KCNJ6: variants seen among roughly 807,000 people sequenced by gnomAD.
KCNJ6 encodes the protein G protein-activated inward rectifier potassium channel 2.
Under a neutral mutation model 34.2 loss-of-function variants are expected in KCNJ6, and 9 were observed. That is an observed-to-expected ratio of 0.26 (90% CI 0.16 to 0.46). KCNJ6 has a LOEUF of 0.46. KCNJ6 is among the 20% of genes least tolerant of loss of function. The pLI is 1.00. For missense variants in KCNJ6, 236 were observed against 531.3 expected, an observed-to-expected ratio of 0.44 and a Z score of 5.46; for synonymous variants, 196 against 207.1, an observed-to-expected ratio of 0.95 and a Z score of 0.46.
chr21:37,746,651 A>G (rs1329797417), intron 2 of KCNJ6, among the ~76,000 whole-genome samples: 1 of 152,224 alleles, frequency 6.6e-6, no homozygotes, highest in Non-Finnish European at 1.5e-5. Flanking sequence ...CTGATTAAAC[A>G]GTGGAAAAGA....
chr21:37,643,570 C>T (rs1274721008), intron 3 of KCNJ6, among the ~76,000 whole-genome samples: 1 of 152,160 alleles, frequency 6.6e-6, no homozygotes, highest in East Asian at 1.9e-4. Flanking sequence ...GGGAGTCGGA[C>T]CAATGTGTGT....
chr21:37,661,629 T>C (rs1483183657), intron 3 of KCNJ6, among the ~76,000 whole-genome samples: 1 of 131,636 alleles, frequency 7.6e-6, no homozygotes, highest in Non-Finnish European at 1.6e-5. Context: ...TTTTTTTTTT[T>C]TTTTTTTTTT....
At chr21:37,810,421 T>A (rs1486049436) in intron 2 of KCNJ6, among the ~76,000 whole-genome samples, 1 of 152,194 alleles carries the variant, frequency 6.6e-6, no homozygotes, top group East Asian at 1.9e-4. Context: ...AAGGGGATTG[T>A]AAGGGCAAGA....
At chr21:37,876,767 G>A (rs1340308870) in intron 1 of KCNJ6, among the ~76,000 whole-genome samples, 1 of 152,094 alleles carries the variant, frequency 6.6e-6, no homozygotes, top group East Asian at 1.9e-4. Flanking sequence ...GCAACAATTG[G>A]ACAAGTTGGC....
rs371432862 is a variant in KCNJ6 at position 37,914,008 on chromosome 21, G to GGTGTGTGTGTGTGTGTGTGT, written c.-28+1856_-28+1875dup. On this transcript the variant is annotated intron_variant, in intron 1 of 3. Coordinates refer to ENST00000609713, the MANE Select transcript of KCNJ6 (RefSeq NM_002240.5). ...GCAACCCTCGTCAGAGGCGGATCGGGGTGTGTGTGTGTGTGTGTGTGTGTG... is the reference window on the plus strand; with the variant it reads ...GCAACCCTCGTCAGAGGCGGATCGGGGTGTGTGTGTGTGTGTGTGTGTGTGTGTGTGTGTGTGTGTGTGTG... Among the ~76,000 whole-genome samples, 181 of 135,584 alleles carry GGTGTGTGTGTGTGTGTGTGT rather than the reference G, an allele frequency of 1.3e-3. 3 individuals carry two copies. The highest frequency in any genetic ancestry group is 3.2e-3 in the East Asian group (13 of 4,116). 88.9% of individuals were successfully genotyped at this position (135,584 alleles called of 152,430 possible).
chr21:37,909,399 C>T (rs2123652729), intron 1 of KCNJ6, among the ~76,000 whole-genome samples: 1 of 151,596 alleles, frequency 6.6e-6, no homozygotes, highest in Non-Finnish European at 1.5e-5. Context: ...ACAGAGTCTC[C>T]CTCTCACCCA....
rs1156939747 is a variant in KCNJ6 at position 37,615,244 on chromosome 21, CTTTTTTTTT to C, written c.*9906_*9914del. ...ACCCTCGACTGACATTCCCAGCATTCTTTTTTTTTTTTTTTTTTTTTTTTTTGAGACGGA... is the reference window on the plus strand; with the variant it reads ...ACCCTCGACTGACATTCCCAGCATTCTTTTTTTTTTTTTTTTTGAGACGGA... On this transcript the variant is annotated 3_prime_UTR_variant, in exon 4 of 4. Coordinates refer to ENST00000609713, the MANE Select transcript of KCNJ6 (RefSeq NM_002240.5). 46,315 of 98,438 alleles carry C rather than the reference CTTTTTTTTT, an allele frequency of 0.47. 7,522 individuals are homozygous for C. Among genetic ancestry groups the C allele is most frequent in the Admixed American group, 0.56 (5,534 of 9,960 alleles). The allele number at this position is 98,438 out of a possible 1,614,324, so 6.1% of individuals were successfully genotyped here. A position where few individuals can be genotyped will look rare whatever the true frequency, so the allele number is the denominator to read the frequency against.
chr21:37,700,417 C>G (rs2054684885), intron 3 of KCNJ6, among the ~76,000 whole-genome samples: 1 of 152,210 alleles, frequency 6.6e-6, no homozygotes, highest in African/African-American at 2.4e-5. Flanking sequence ...GACAGGACAC[C>G]TGGAGAGGTG....
intron 3 of KCNJ6, among the ~76,000 whole-genome samples, chr21:37,705,364 A>G (rs141975160): frequency 6.6e-6 from 1 of 152,282 alleles, no homozygotes; most frequent in Non-Finnish European, 1.5e-5. Flanking sequence ...GCAAGAGCCA[A>G]CTTCCTCATT....
intron 2 of KCNJ6, among the ~76,000 whole-genome samples, chr21:37,838,174 CTCTTA>C (rs1407069239): frequency 6.6e-6 from 1 of 152,174 alleles, no homozygotes; most frequent in African/African-American, 2.4e-5. Context: ...TGATAGAATT[CTCTTA>C]TGACAGTTGA....
chr21:37,707,484 G>A (rs769438910), intron 3 of KCNJ6, among the ~76,000 whole-genome samples: 2 of 152,140 alleles, frequency 1.3e-5, no homozygotes, highest in Admixed American at 6.5e-5. Context: ...CAGAGGTTAC[G>A]TAAGGCAGGG....
intron 2 of KCNJ6, among the ~76,000 whole-genome samples, chr21:37,756,009 T>G (rs1032552727): frequency 1.3e-5 from 2 of 152,350 alleles, no homozygotes; most frequent in Non-Finnish European, 1.5e-5. Context: ...ATGGGTTAGC[T>G]TCCTCTAGAT....
chr21:37,686,446 C>T (rs2054615485), intron 3 of KCNJ6, among the ~76,000 whole-genome samples: 2 of 147,294 alleles, frequency 1.4e-5, no homozygotes, highest in African/African-American at 5.0e-5. Context: ...CGCATTCACT[C>T]TCCCGGGTGA....
intron 2 of KCNJ6, among the ~76,000 whole-genome samples, chr21:37,730,934 T>C (rs543480635): frequency 2.8e-4 from 43 of 152,314 alleles, no homozygotes; most frequent in Non-Finnish European, 5.7e-4. Context: ...AGGGGGAGTA[T>C]TGACCCGTCT....
intron 1 of KCNJ6, among the ~76,000 whole-genome samples, chr21:37,877,343 G>A (rs184613856): frequency 5.3e-5 from 8 of 152,268 alleles, no homozygotes; most frequent in African/African-American, 1.4e-4. Flanking sequence ...GTCAACAGTT[G>A]GTAGGAAAAC....
At chr21:37,805,728 T>G (rs757096365) in intron 2 of KCNJ6, among the ~76,000 whole-genome samples, 5 of 152,146 alleles carry the variant, frequency 3.3e-5, no homozygotes, top group Non-Finnish European at 5.9e-5. Context: ...GAGGTAAATT[T>G]GGACACAGAG....
chr21:37,786,048 G>C (rs535758384), intron 2 of KCNJ6, among the ~76,000 whole-genome samples: 10 of 152,328 alleles, frequency 6.6e-5, no homozygotes, highest in South Asian at 2.1e-4. Context: ...AAAATATTTT[G>C]TTATGGCAGC....
At chr21:37,908,138 A>G (rs753571151) in intron 1 of KCNJ6, among the ~76,000 whole-genome samples, 3 of 152,244 alleles carry the variant, frequency 2.0e-5, no homozygotes, top group African/African-American at 7.2e-5. Context: ...TATCTGAGTT[A>G]GGGAAATGGA....
chr21:37,676,043 C>A (rs946575552), intron 3 of KCNJ6, among the ~76,000 whole-genome samples: 11 of 152,262 alleles, frequency 7.2e-5, no homozygotes, highest in African/African-American at 2.7e-4. Flanking sequence ...TGCATTTTAA[C>A]AGGGTCCGTG....
Sources: gnomAD v4.1 joint callset for allele counts (sites outside exome capture counted in the v4.1 genomes callset) on GRCh38, gnomAD v4.1.1 for gene constraint, MANE v1.5 for transcripts, NCBI Gene and HGNC (gene_info 2026-07-23, HGNC 2026-07-21) for gene names.